NKD2: variants seen among roughly 807,000 people sequenced by gnomAD.
NKD2 encodes the protein protein naked cuticle homolog 2.
Under a neutral mutation model 34.8 loss-of-function variants are expected in NKD2, and 43 were observed. The observed-to-expected ratio is 1.24, with a 90% CI of 0.97 to 1.60. The LOEUF (loss-of-function observed/expected upper bound fraction) is 1.60, where lower values mean the gene tolerates loss of function less well. NKD2 is among the 40% of genes most tolerant of loss of function. The probability of loss-of-function intolerance (pLI) is 0.00; values close to 1 mark genes in which losing one functional copy is unlikely to be tolerated. For missense variants in NKD2, 675 were observed against 627.1 expected (o/e 1.08, Z -0.82); for synonymous variants, 278 against 265.1 (o/e 1.05, Z -0.47).
At chr5:1,035,307 T>G (rs1733838513) in intron 7 of NKD2, 82 bp from the exon 8 acceptor site, 6 of 1,064,634 alleles carry the variant, frequency 5.6e-6, no homozygotes, top group Non-Finnish European at 8.4e-6. Flanking sequence ...AATGAGTGAG[T>G]GAGTTAATGA....
In NKD2 at chr5:1,035,381, C is replaced by A. The variant is rs767897841; in HGVS notation, c.575-8C>A. Reference sequence around the variant, plus strand: ...AGGGAGTGAGTAATGGCAGGACCCCCCTTTCAGACCGGGAGCCCACCCGTT... The same window carrying A: ...AGGGAGTGAGTAATGGCAGGACCCCACTTTCAGACCGGGAGCCCACCCGTT... On this transcript the variant is annotated splice_region_variant and splice_polypyrimidine_tract_variant and intron_variant, in intron 7 of 9. Coordinates refer to ENST00000296849, the MANE Select transcript of NKD2 (RefSeq NM_033120.4). 3.2e-6 allele frequency: 5 copies of A among 1,554,832 alleles called. No homozygotes were observed. The highest frequency in any genetic ancestry group is 4.4e-6 in the Non-Finnish European group (5 of 1,148,930).
chr5:1,038,742 C>G lies in NKD2; in HGVS notation c.*369C>G, dbSNP rs969660820. The G allele has an allele frequency of 5.9e-6, 3 of 509,172 alleles. No homozygotes were observed. In the Admixed American group the frequency reaches 9.6e-5, roughly 16 times the overall value. The allele number at this position is 509,172 out of a possible 1,614,324, so 31.5% of individuals were successfully genotyped here. On this transcript the variant is annotated 3_prime_UTR_variant, in exon 10 of 10. Transcript: ENST00000296849. This position sits in a 1 kb window ranked among gnomAD's most constrained non-coding sequence, Gnocchi z 4.5. ...CTTGGGGTGGGTGTTCCTCCCGGGG[C>G]TTCAAGGGGTGACTGCTGTAGGCTG...
Position 1,009,567 on chromosome 5 carries a change from G to C in NKD2, c.141+7G>C. On this transcript the variant is annotated splice_region_variant and intron_variant, in intron 3 of 9. Coordinates refer to ENST00000296849, the MANE Select transcript of NKD2 (RefSeq NM_033120.4). The surrounding 1 kb of genome is among the most constrained non-coding windows in gnomAD (Gnocchi z 6.9). Reference sequence around the variant, plus strand: ...GCGCGCGCGGGACAAGCAGGTAGGCGGCGGGGCGGAGGCTGGGGTCGCGCT... The same window carrying C: ...GCGCGCGCGGGACAAGCAGGTAGGCCGCGGGGCGGAGGCTGGGGTCGCGCT... The C allele has an allele frequency of 6.8e-7, 1 of 1,474,934 alleles. No homozygotes were observed. The highest frequency in any genetic ancestry group is 1.5e-5 in the African/African-American group (1 of 67,992). The allele number at this position is 1,474,934 out of a possible 1,614,324, so 91.4% of individuals were successfully genotyped here. A position where few individuals can be genotyped will look rare whatever the true frequency, so the allele number is the denominator to read the frequency against.
intron 5 of NKD2, 120 bp from the exon 6 acceptor site, chr5:1,034,115 G>A (rs1733672833): frequency 8.5e-6 from 6 of 705,074 alleles, no homozygotes; most frequent in East Asian, 2.7e-5. Flanking sequence ...TCTAGGCTCC[G>A]CCTTTCCTAG....
At chr5:1,036,964 G>A (rs1579279352) in intron 9 of NKD2, 2 of 353,090 alleles carry the variant, frequency 5.7e-6, no homozygotes, top group South Asian at 2.4e-5. Context: ...TGGACGGCGG[G>A]CAGTGTGGAC....
chr5:1,031,436 A>T (rs974143934), intron 3 of NKD2, among the ~76,000 whole-genome samples: 2 of 152,134 alleles, frequency 1.3e-5, no homozygotes, highest in Admixed American at 1.3e-4. Flanking sequence ...CAGAAGCAGA[A>T]ACACAGCTGC....
At position 1,033,455 on chromosome 5, in the gene NKD2, C is replaced by A. The variant is rs766017993; in HGVS notation, c.286C>A (p.Arg96Ser). Residue 96 changes from arginine to serine, a missense_variant, in exon 5 of 10, where the codon CGC becomes AGC. Coordinates refer to ENST00000296849, the MANE Select transcript of NKD2 (RefSeq NM_033120.4). ...SADDGERAAN[R>S]EGPRGPGGQR... is the part of the protein sequence containing the mutation. Reference sequence around the variant, plus strand: ...AGATGACGGAGAGAGGGCAGCAAACCGCGAGGGCCCGCGAGGACCGGGCGG... The same window carrying A: ...AGATGACGGAGAGAGGGCAGCAAACAGCGAGGGCCCGCGAGGACCGGGCGG... 11 of 1,557,816 alleles carry A rather than the reference C, an allele frequency of 7.1e-6. No individual in the cohort carries two copies. The highest frequency in any genetic ancestry group is 9.6e-6 in the Non-Finnish European group (11 of 1,151,394).
Position 1,038,367 on chromosome 5 carries a change from G to A in NKD2, c.1350G>A (p.Pro450=), listed in dbSNP as rs747134717. The A allele has an allele frequency of 1.7e-4, 258 of 1,535,484 alleles. 3 individuals carry two copies. The South Asian group carries it at 2.1e-3, about 13-fold the overall frequency. The change falls in exon 10 of 10, where the codon CCG becomes CCA. Residue 450 remains proline, a synonymous_variant. Coordinates refer to ENST00000296849, the MANE Select transcript of NKD2 (RefSeq NM_033120.4). This position sits in a 1 kb window ranked among gnomAD's most constrained non-coding sequence, Gnocchi z 4.5. The part of the protein sequence containing the change: ...HHHHHHHHFH[P]S ...ACCACCACCACCACCACTTCCACCC[G>A]TCCTAGCGCCACTGCCAAGCACACC...
chr5:1,018,928 C>G (rs919573093), intron 3 of NKD2, among the ~76,000 whole-genome samples: 7 of 152,180 alleles, frequency 4.6e-5, no homozygotes, highest in Admixed American at 6.5e-5. Context: ...AGAGCACCAT[C>G]CCTGCTTTGG....
At chr5:1,035,543 G>T in intron 8 of NKD2, 70 bp downstream of exon 8, 2 of 1,247,200 alleles carry the variant, frequency 1.6e-6, no homozygotes, top group South Asian at 1.3e-5. Flanking sequence ...CCTGCTTCCC[G>T]CAGGCCACAG....
Position 1,009,481 on chromosome 5 carries a change from G to A in NKD2, c.62G>A (p.Gly21Glu), listed in dbSNP as rs1190682006. Residue 21 changes from glycine (G) to glutamate (E), a missense_variant and splice_region_variant, in exon 3 of 10, where the codon GGG becomes GAG. Transcript: ENST00000296849. The surrounding 1 kb of genome is among the most constrained non-coding windows in gnomAD (Gnocchi z 6.9). ...CCGCGCGTCCGCCCCCGGACCGCAG[G>A]GGACAGCTTCGTGGCGTCCGCGTAC... ...AARKRRESPE[G>E]DSFVASAYAS... 3 of 1,498,052 alleles carry A rather than the reference G, an allele frequency of 2.0e-6. No individual in the cohort carries two copies. The highest frequency in any genetic ancestry group is 2.2e-5 in the Admixed American group (1 of 46,470). The allele number at this position is 1,498,052 out of a possible 1,614,324, so 92.8% of individuals were successfully genotyped here.
chr5:1,032,360 T>C, intron 4 of NKD2, 148 bp downstream of exon 4: 1 of 687,474 alleles, frequency 1.5e-6, no homozygotes, highest in South Asian at 1.6e-5. Context: ...TAAAAAGCCT[T>C]GGCAGCACAA....
Position 1,033,409 on chromosome 5 carries a change from C to T in NKD2, c.240C>T (p.His80=). 1 of 1,597,426 alleles carries T rather than the reference C, an allele frequency of 6.3e-7. No homozygotes were observed. Among genetic ancestry groups the T allele is most frequent in the Non-Finnish European group, 8.5e-7 (1 of 1,172,852 alleles). Residue 80 remains histidine (H), a synonymous_variant, in exon 5 of 10, where the codon CAC becomes CAT. Coordinates refer to ENST00000296849, the MANE Select transcript of NKD2 (RefSeq NM_033120.4). The part of the protein sequence containing the change: ...LPAEKAEGRE[H]PGQLLSADDG... ...CTGAGAAAGCTGAGGGCCGCGAGCACCCGGGACAACTCCTCAGCGCAGATG... is the reference window on the plus strand; with the variant it reads ...CTGAGAAAGCTGAGGGCCGCGAGCATCCGGGACAACTCCTCAGCGCAGATG...
chr5:1,017,215 G>A (rs557319068), intron 3 of NKD2, among the ~76,000 whole-genome samples: 8 of 152,262 alleles, frequency 5.3e-5, no homozygotes, highest in African/African-American at 1.7e-4. Context: ...TGTGGCTGGC[G>A]TCTGGGCCTC....
At chr5:1,016,101 C>A (rs1055218711) in intron 3 of NKD2, among the ~76,000 whole-genome samples, 1 of 152,250 alleles carries the variant, frequency 6.6e-6, no homozygotes, top group Non-Finnish European at 1.5e-5. Flanking sequence ...GCAGGATCCC[C>A]CCCCACACCG....
Position 1,025,760 on chromosome 5 carries a change from A to G in NKD2, c.142-6392A>G, listed in dbSNP as rs1160776477. 4.1e-3 allele frequency among the ~76,000 whole-genome samples: 220 copies of G among 54,272 alleles called. 2 individuals are homozygous for G. Among genetic ancestry groups the G allele is most frequent in the African/African-American group, 0.012 (140 of 11,716 alleles). 35.6% of individuals were successfully genotyped at this position (54,272 alleles called of 152,430 possible). ...CCACCCGCTGTGGGCGTCTCAGCCC[A>G]TTGTCCCTGCTCTTCCCACCCTCTG... On this transcript the variant is annotated intron_variant, in intron 3 of 9. Transcript: ENST00000296849.
Position 1,037,733 on chromosome 5 carries a change from TG to T in NKD2, c.788-69del, listed in dbSNP as rs1734065121. 6 of 1,572,136 alleles carry T rather than the reference TG, an allele frequency of 3.8e-6. No individual in the cohort carries two copies. The Admixed American group carries it at 1.1e-4, about 28-fold the overall frequency. On this transcript the variant is annotated intron_variant, in intron 9 of 9. Coordinates refer to ENST00000296849, the MANE Select transcript of NKD2 (RefSeq NM_033120.4). ...CTGGCGCAGCTCTTCCAGTGGGCCC[TG>T]GGCCGTTTCTGAGGAGATGGGAACC...
chr5:1,015,564 T>C (rs950593586), intron 3 of NKD2, among the ~76,000 whole-genome samples: 2 of 152,154 alleles, frequency 1.3e-5, no homozygotes, highest in African/African-American at 4.8e-5. Context: ...AGAAACTCCC[T>C]GGGTTATGAC....
intron 3 of NKD2, among the ~76,000 whole-genome samples, chr5:1,020,927 C>G (rs1029699567): frequency 6.6e-6 from 1 of 152,076 alleles, no homozygotes; most frequent in Non-Finnish European, 1.5e-5. Flanking sequence ...GGGGCGGATG[C>G]CAACACAAAA....
Sources: allele counts gnomAD v4.1 joint callset (sites outside exome capture counted in the v4.1 genomes callset), GRCh38; gene constraint gnomAD v4.1.1; non-coding constraint Gnocchi (gnomAD v3.1); transcripts MANE v1.5; gene names NCBI Gene and HGNC (gene_info 2026-07-23, HGNC 2026-07-21).